Variants in CALN1 observed in about 807,000 individuals in gnomAD.
CALN1 encodes calcium-binding protein 8.
CALN1 carries 17 observed loss-of-function variants against 30.6 expected under a neutral mutation model. The ratio of observed to expected loss-of-function variants is 0.56; its 90% CI spans 0.38 to 0.83. CALN1 has a LOEUF of 0.83. Ranked by LOEUF, CALN1 falls within the 40% of genes least tolerant of loss-of-function variation. The pLI, the probability that CALN1 is intolerant of heterozygous loss-of-function variation, is 0.00. For missense variants in CALN1, 291 were observed against 354.9 expected (o/e 0.82, Z 1.45); for synonymous variants, 156 against 131.4 (o/e 1.19, Z -1.28).
intron 3 of CALN1, among the ~76,000 whole-genome samples, chr7:72,206,386 A>G (rs1373491418): frequency 2.0e-5 from 3 of 152,172 alleles, no homozygotes; most frequent in African/African-American, 7.2e-5. Context: ...AGCTTCTCTC[A>G]AACTCCTCTT....
At chr7:72,287,738 G>A (rs540277535) in intron 2 of CALN1, among the ~76,000 whole-genome samples, 7 of 152,148 alleles carry the variant, frequency 4.6e-5, no homozygotes, top group Admixed American at 6.5e-5. Context: ...GAGCCACTAC[G>A]CCCAGCCTAG....
At chr7:72,298,018 T>C (rs1236653020) in intron 2 of CALN1, among the ~76,000 whole-genome samples, 1 of 152,106 alleles carries the variant, frequency 6.6e-6, no homozygotes, top group South Asian at 2.1e-4. Flanking sequence ...CATCTTATTA[T>C]TTTTTTTAGC....
intron 4 of CALN1, among the ~76,000 whole-genome samples, chr7:72,053,643 T>A (rs1179189223): frequency 3.9e-5 from 6 of 152,334 alleles, no homozygotes; most frequent in East Asian, 3.9e-4. Context: ...TTATCTATTT[T>A]TTTTATTTTA....
At chr7:72,369,052 T>A (rs1035328995) in intron 2 of CALN1, among the ~76,000 whole-genome samples, 1 of 151,450 alleles carries the variant, frequency 6.6e-6, no homozygotes, top group Admixed American at 6.6e-5. Flanking sequence ...TGACCTCAAG[T>A]GATCTGCCCA....
chr7:72,387,588 A>G (rs1262481392), intron 2 of CALN1, among the ~76,000 whole-genome samples: 2 of 152,060 alleles, frequency 1.3e-5, no homozygotes, highest in African/African-American at 4.8e-5. Context: ...CCCCTCTGTG[A>G]TCTTCCTCCC....
chr7:72,067,313 C>T (rs772842185), intron 4 of CALN1, among the ~76,000 whole-genome samples: 4 of 152,158 alleles, frequency 2.6e-5, no homozygotes, highest in Non-Finnish European at 5.9e-5. Context: ...GTGATCATGG[C>T]TCACTGCAGC....
chr7:72,309,357 C>G (rs1342629822), intron 2 of CALN1, among the ~76,000 whole-genome samples: 2 of 152,132 alleles, frequency 1.3e-5, no homozygotes, highest in East Asian at 3.9e-4. Context: ...GCAAATAAAT[C>G]CACTGGCACC....
At chr7:72,500,269 C>CTTTTTTTTT in the CALN1 span, among the ~76,000 whole-genome samples, 1,312 of 51,382 alleles carry the variant, frequency 0.026, 346 homozygotes, top group African/African-American at 0.035. Flanking sequence ...TTCGTTCCTT[C>CTTTTTTTTT]TTTTTTTTTT....
chr7:72,232,207 A>T (rs545200929), intron 3 of CALN1, among the ~76,000 whole-genome samples: 2 of 152,324 alleles, frequency 1.3e-5, no homozygotes, highest in Admixed American at 1.3e-4. Flanking sequence ...CAAGGGGTTT[A>T]GATTTGGGCC....
chr7:72,487,923 AAGGAAGGAAGGAAGGAAGGAAG>A, the CALN1 span, among the ~76,000 whole-genome samples: 4 of 84,980 alleles, frequency 4.7e-5, no homozygotes, highest in Middle Eastern at 5.3e-3. Context: ...AGAAAGAAGG[AAGGAAGGAAGGAAGGAAGGAAG>A]GAAGGAAGGA....
At chr7:71,947,079 C>T (rs770704643) in intron 5 of CALN1, among the ~76,000 whole-genome samples, 14 of 152,068 alleles carry the variant, frequency 9.2e-5, no homozygotes, top group South Asian at 2.1e-4. Context: ...GGCGTGATTT[C>T]GGCTCAATGC....
intron 4 of CALN1, among the ~76,000 whole-genome samples, chr7:72,052,884 C>T (rs1292609817): frequency 6.7e-6 from 1 of 148,904 alleles, no homozygotes; most frequent in Admixed American, 6.8e-5. Context: ...AATGCCAGCA[C>T]TTTGGGAGGC....
At chr7:72,328,258 G>A (rs188319296) in intron 2 of CALN1, among the ~76,000 whole-genome samples, 73 of 152,254 alleles carry the variant, frequency 4.8e-4, no homozygotes, top group Non-Finnish European at 6.9e-4. Flanking sequence ...TAATACTCAC[G>A]TATCAAGGGT....
At chr7:72,096,693 A>G (rs1806258097) in intron 4 of CALN1, among the ~76,000 whole-genome samples, 1 of 152,164 alleles carries the variant, frequency 6.6e-6, no homozygotes, top group South Asian at 2.1e-4. Flanking sequence ...AAACAGGAAA[A>G]GTTTTACACT....
At chr7:72,095,996 A>T (rs1806191914) in intron 4 of CALN1, among the ~76,000 whole-genome samples, 1 of 152,216 alleles carries the variant, frequency 6.6e-6, no homozygotes, top group Non-Finnish European at 1.5e-5. Flanking sequence ...CTATGATGAC[A>T]CCACTGCATT....
rs1789880672 is a variant in CALN1 at position 72,182,447 on chromosome 7, C to CAGT, written c.245-76156_245-76154dup. 2.0e-5 allele frequency among the ~76,000 whole-genome samples: 3 copies of CAGT among 152,170 alleles called. No homozygotes were observed. The South Asian group carries it at 6.2e-4, about 32-fold the overall frequency. ...TGACTGAAATTCATTTTTCCAGATG[C>CAGT]AGTAGTTCAAACCTATAATCCAACC... On this transcript the variant is annotated intron_variant, in intron 3 of 6. Transcript: ENST00000395275.
Position 72,288,898 on chromosome 7 carries a change from C to G in CALN1, c.120-10088G>C, listed in dbSNP as rs547585304. On this transcript the variant is annotated intron_variant, in intron 2 of 6. Coordinates refer to ENST00000395275, the MANE Select transcript of CALN1 (RefSeq NM_031468.4). ...ATCGATACTTATGTAAACTTTTCCA[C>G]AAGTTTGCCAATTTTCTGCTCATCA... Among the ~76,000 whole-genome samples the G allele has an allele frequency of 7.1e-4, 108 of 152,264 alleles. No homozygotes were observed. In the South Asian group the frequency reaches 0.022, roughly 31 times the overall value.
chr7:72,023,687 A>G lies in CALN1; in HGVS notation c.471T>C (p.Leu157=), dbSNP rs1386746314. 1 of 1,613,962 alleles carries G rather than the reference A, an allele frequency of 6.2e-7. No homozygotes were observed. The highest frequency in any genetic ancestry group is 1.7e-5 in the Admixed American group (1 of 59,978). The change falls in exon 5 of 7, where the codon CTT becomes CTC. Residue 157 remains leucine, a synonymous_variant. Transcript: ENST00000395275. The part of the protein sequence containing the change: ...LVSSEGRDGF[L]GNTIDSIFWQ... ...AGAATATGCTGTCTATCGTGTTCCC[A>G]AGAAAACCATCGCGACCTTCTGAAG... is the stretch of plus-strand genomic sequence containing the variant.
At chr7:72,180,670 C>G (rs369434613) in intron 3 of CALN1, among the ~76,000 whole-genome samples, 3 of 146,848 alleles carry the variant, frequency 2.0e-5, no homozygotes, top group African/African-American at 7.5e-5. Flanking sequence ...TGCAGTGGCA[C>G]CATCATAGCT....
Sources: gnomAD v4.1 joint callset for allele counts (sites outside exome capture counted in the v4.1 genomes callset) on GRCh38, gnomAD v4.1.1 for gene constraint, MANE v1.5 for transcripts, NCBI Gene and HGNC (gene_info 2026-07-23, HGNC 2026-07-21) for gene names.